CCDC22: variants seen among roughly 807,000 people sequenced by gnomAD.
CCDC22 encodes the protein coiled-coil domain-containing protein 22.
CCDC22 carries 4 observed loss-of-function variants against 53.1 expected under a neutral mutation model. The observed-to-expected ratio is 0.08, with a 90% CI of 0.04 to 0.17. The LOEUF (loss-of-function observed/expected upper bound fraction) is 0.17, where lower values mean the gene tolerates loss of function less well. CCDC22 is among the 10% of genes least tolerant of loss of function. The pLI is 1.00. For missense variants in CCDC22, 458 were observed against 554.0 expected (o/e 0.83, Z 1.74); for synonymous variants, 222 against 224.4 (o/e 0.99, Z 0.10).
chrX:49,241,123 T>C (rs1347427761), intron 2 of CCDC22, among the ~76,000 whole-genome samples: 1 of 111,923 alleles, frequency 8.9e-6, no homozygotes, highest in African/African-American at 3.2e-5. Context: ...GAGGCAAAGC[T>C]TGGGTTTGAA....
In CCDC22 at chrX:49,247,402, C is replaced by T. The variant is rs191242451; in HGVS notation, c.910-94C>T. On this transcript the variant is annotated intron_variant, in intron 7 of 16. Transcript: ENST00000376227. ...TCGGTGCTTCAGTGGGCATGCATGC[C>T]GCACTGGGGGCAGTTCTCAGGGGAG... is the stretch of plus-strand genomic sequence containing the variant. 2,868 of 827,325 alleles carry T rather than the reference C, an allele frequency of 3.5e-3. 8 individuals carry two copies. Among genetic ancestry groups the T allele is most frequent in the South Asian group, 5.3e-3 (229 of 43,337 alleles). The allele number at this position is 827,325 out of a possible 1,213,427, so 68.2% of individuals were successfully genotyped here. A position where few individuals can be genotyped will look rare whatever the true frequency, so the allele number is the denominator to read the frequency against.
Position 49,237,272 on chromosome X carries a change from CCCT to C in CCDC22, c.228+16_228+18del. On this transcript the variant is annotated intron_variant, in intron 2 of 16. Transcript: ENST00000376227. Reference sequence around the variant, plus strand: ...TGGCTCAGGCCTGCATGGTGAGTGGCCCTCCTCCTAATGCACACATCCTCTTTC... The same window carrying C: ...TGGCTCAGGCCTGCATGGTGAGTGGCCCTCCTAATGCACACATCCTCTTTC... 4.2e-6 allele frequency: 5 copies of C among 1,188,720 alleles called. No individual in the cohort carries two copies. The highest frequency in any genetic ancestry group is 5.7e-6 in the Non-Finnish European group (5 of 880,040).
chrX:49,242,107 G>A lies in CCDC22; in HGVS notation c.320G>A (p.Arg107His), dbSNP rs1557113434. 10 of 1,210,697 alleles carry A rather than the reference G, an allele frequency of 8.3e-6. No homozygotes were observed. The highest frequency in any genetic ancestry group is 7.0e-5 in the South Asian group (4 of 56,818). The change falls in exon 3 of 17, where the codon CGT becomes CAT. Residue 107 changes from arginine to histidine, a missense_variant. By Grantham distance (29) the Arg-to-His change is conservative. This residue lies in a region of CCDC22 where 55 missense variants were observed against 106.0 expected (regional missense o/e 0.52). Coordinates refer to ENST00000376227, the MANE Select transcript of CCDC22 (RefSeq NM_014008.5). Reference protein sequence around the residue: ...LRDLLLFLAERLPTDASEDAD... With the variant: ...LRDLLLFLAEHLPTDASEDAD... ...GACCTGCTTCTCTTCTTGGCTGAGC[G>A]TCTGCCCACCGATGCCTCTGAGGAT...
intron 9 of CCDC22, 99 bp from the exon 10 acceptor site, chrX:49,248,092 G>A (rs906201268): frequency 2.4e-5 from 28 of 1,183,336 alleles, no homozygotes; most frequent in East Asian, 6.0e-5. Flanking sequence ...TGGCACCAGC[G>A]TGGAGCTGTT....
Position 49,243,180 on chromosome X carries a change from AGGT to A in CCDC22, c.535+1_535+3del, listed in dbSNP as rs1421661520. On this transcript the variant is annotated inframe_deletion and splice_region_variant, in exon 5 of 17. Transcript: ENST00000376227. Reference sequence around the variant, plus strand: ...TGGTCGTGCCAGAATTGAGTTCCAGAGGTGGTGAGCATGAGGCTGTGGGGAGGG... The same window carrying A: ...TGGTCGTGCCAGAATTGAGTTCCAGAGGTGAGCATGAGGCTGTGGGGAGGG... The A allele has an allele frequency of 4.1e-6, 5 of 1,209,371 alleles. No homozygotes were observed. The highest frequency in any genetic ancestry group is 5.6e-6 in the Non-Finnish European group (5 of 894,479).
rs781829026 is a variant in CCDC22, at chrX:49,248,887, T to C, written c.1502T>C (p.Val501Ala). The change falls in exon 13 of 17, where the codon GTG becomes GCG. Residue 501 changes from valine to alanine, a missense_variant. By Grantham distance (64) the Val-to-Ala change is moderately conservative. Around this residue, in one of 4 missense-constraint regions of CCDC22, gnomAD observed 48 missense variants for 83.4 expected, o/e 0.58. Transcript: ENST00000376227. ...LAYTQRILEI[V>A]GNIRKQKEEI... is the part of the protein sequence containing the mutation. Reference sequence around the variant, plus strand: ...TACACCCAGCGCATCCTGGAGATCGTGGGCAACATCCGGAAGCAGAAGGAA... The same window carrying C: ...TACACCCAGCGCATCCTGGAGATCGCGGGCAACATCCGGAAGCAGAAGGAA... 8.3e-7 allele frequency: 1 copy of C among 1,210,513 alleles called. No homozygotes were observed. Among genetic ancestry groups the C allele is most frequent in the South Asian group, 1.8e-5 (1 of 56,783 alleles).
At chrX:49,237,312 C>A in intron 2 of CCDC22, 49 bp downstream of exon 2, 2 of 1,098,812 alleles carry the variant, frequency 1.8e-6, no homozygotes, top group Non-Finnish European at 2.5e-6. Context: ...TCCTCTTTTA[C>A]AAAGTAACCA....
At chrX:49,247,046 C>T (rs971808481) in intron 7 of CCDC22, 121 bp downstream of exon 7, 7 of 630,769 alleles carry the variant, frequency 1.1e-5, no homozygotes, top group African/African-American at 6.6e-5. Context: ...GACAGGCCCT[C>T]GCCCCACTGT....
At chrX:49,237,884 C>T (rs1029111794) in intron 2 of CCDC22, among the ~76,000 whole-genome samples, 4 of 106,533 alleles carry the variant, frequency 3.8e-5, no homozygotes, top group Non-Finnish European at 7.7e-5. Context: ...CTCAGCCTCC[C>T]GAGTAGCTGG....
Position 49,235,851 on chromosome X carries a change from A to ACACACACACG in CCDC22, c.50+174_50+175insGCACACACAC, listed in dbSNP as rs782004943. ...TACACACACACACACACACACACAC[A>ACACACACACG]CACACACACACACGCACACACACAC... On this transcript the variant is annotated intron_variant, in intron 1 of 16. Coordinates refer to ENST00000376227, the MANE Select transcript of CCDC22 (RefSeq NM_014008.5). 9.2e-3 allele frequency among the ~76,000 whole-genome samples: 922 copies of ACACACACACG among 100,412 alleles called. 9 individuals are homozygous for ACACACACACG. The highest frequency in any genetic ancestry group is 0.021 in the Middle Eastern group (4 of 189). 87.2% of individuals were successfully genotyped at this position (100,412 alleles called of 115,157 possible).
At chrX:49,240,375 G>A (rs2065957958) in intron 2 of CCDC22, among the ~76,000 whole-genome samples, 2 of 110,045 alleles carry the variant, frequency 1.8e-5, no homozygotes, top group Non-Finnish European at 1.9e-5. Flanking sequence ...CCAACCTGGC[G>A]AAACCCTGTC....
At chrX:49,248,003 G>A (rs898076200) in intron 9 of CCDC22, among the ~76,000 whole-genome samples, 188 bp from the exon 10 acceptor site, 4 of 110,861 alleles carry the variant, frequency 3.6e-5, no homozygotes, top group African/African-American at 1.3e-4. Flanking sequence ...GGATTGAGGG[G>A]TCCTCGGAGG....
At chrX:49,246,679 G>A in intron 6 of CCDC22, 52 bp from the exon 7 acceptor site, 1 of 1,029,219 alleles carries the variant, frequency 9.7e-7, no homozygotes, top group Non-Finnish European at 1.3e-6. Flanking sequence ...CAGGGCCTTG[G>A]GTGCTAGGTG....
At chrX:49,239,500 G>A in intron 2 of CCDC22, 1 of 687,189 alleles carries the variant, frequency 1.5e-6, no homozygotes, top group South Asian at 7.5e-5. Context: ...GGAAGTATAT[G>A]GTGGTGGAGG....
Position 49,248,883 on chromosome X carries a change from A to C in CCDC22, c.1498A>C (p.Ile500Leu). ...GGCCTACACCCAGCGCATCCTGGAG[A>C]TCGTGGGCAACATCCGGAAGCAGAA... is the stretch of plus-strand genomic sequence containing the variant. The part of the protein sequence containing the change: ...RLAYTQRILE[I>L]VGNIRKQKEE... Residue 500 changes from isoleucine to leucine, a missense_variant, in exon 13 of 17, where the codon ATC becomes CTC. Coordinates refer to ENST00000376227, the MANE Select transcript of CCDC22 (RefSeq NM_014008.5). The C allele has an allele frequency of 1.7e-6, 2 of 1,210,335 alleles. No individual in the cohort carries two copies. Among genetic ancestry groups the C allele is most frequent in the Non-Finnish European group, 2.2e-6 (2 of 895,116 alleles).
At chrX:49,246,121 A>C (rs782168082) in intron 6 of CCDC22, among the ~76,000 whole-genome samples, 47 of 110,968 alleles carry the variant, frequency 4.2e-4, no homozygotes, top group South Asian at 7.5e-4. Flanking sequence ...AGTAGCTGGA[A>C]TTACAGGAGC....
At chrX:49,235,826 T>TAC (rs797042658) in intron 1 of CCDC22, 140 bp downstream of exon 1, 40,718 of 221,880 alleles carry the variant, frequency 0.18, 1,553 homozygotes, top group East Asian at 0.3. Flanking sequence ...CTCACCCCCT[T>TAC]ACACACACAC....
chrX:49,249,992 T>C (rs1272174669), intron 16 of CCDC22, among the ~76,000 whole-genome samples, 156 bp from the exon 17 acceptor site: 1 of 112,363 alleles, frequency 8.9e-6, no homozygotes, highest in Admixed American at 9.3e-5. Flanking sequence ...AAGGATGCTT[T>C]GGGTAGAGGG....
At chrX:49,244,715 C>T (rs1315460993) in intron 6 of CCDC22, among the ~76,000 whole-genome samples, 9 of 111,285 alleles carry the variant, frequency 8.1e-5, no homozygotes, top group Admixed American at 5.7e-4. Context: ...TGCGTGCGCC[C>T]GGCTAATTTT....
Sources: allele counts gnomAD v4.1 joint callset (sites outside exome capture counted in the v4.1 genomes callset), GRCh38; gene constraint gnomAD v4.1.1; regional missense constraint gnomAD v4.1.1; transcripts MANE v1.5; gene names NCBI Gene and HGNC (gene_info 2026-07-23, HGNC 2026-07-21).